The following CAPRIN2 variants were observed in gnomAD, a reference collection of about 807,000 sequenced individuals.
CAPRIN2 encodes caprin-2.
In CAPRIN2, 66 loss-of-function variants were observed where a neutral mutation model predicts 130.4. That is an observed-to-expected ratio of 0.51 (90% CI 0.42 to 0.62). The LOEUF (loss-of-function observed/expected upper bound fraction) is 0.62. CAPRIN2 is among the 20% of genes least tolerant of loss of function. The pLI, the probability that CAPRIN2 is intolerant of heterozygous loss-of-function variation, is 0.00. For synonymous variants in CAPRIN2, 471 were observed against 444.1 expected (o/e 1.06, Z -0.76); for missense variants, 1,185 against 1,246.6 (o/e 0.95, Z 0.74).
chr12:30,730,962 C>G (rs149341922), intron 6 of CAPRIN2, among the ~76,000 whole-genome samples: 1 of 152,174 alleles, frequency 6.6e-6, no homozygotes, highest in East Asian at 1.9e-4. Flanking sequence ...ATCAGTATTT[C>G]GACCTTAGGT....
chr12:30,751,285 G>A (rs967233406), intron 1 of CAPRIN2, 152 bp from the exon 3 acceptor site: 83 of 639,040 alleles, frequency 1.3e-4, no homozygotes, highest in Non-Finnish European at 2.1e-4. Flanking sequence ...TGCAGCAACT[G>A]TAGATGAGTT....
intron 2 of CAPRIN2, among the ~76,000 whole-genome samples, chr12:30,747,668 A>C (rs1258712366): frequency 6.6e-6 from 1 of 151,690 alleles, no homozygotes; most frequent in Non-Finnish European, 1.5e-5. Flanking sequence ...CAAGAGCCAA[A>C]CACCGTCTCA....
chr12:30,746,913 T>C (rs140434629), intron 2 of CAPRIN2, among the ~76,000 whole-genome samples: 119 of 152,342 alleles, frequency 7.8e-4, no homozygotes, highest in African/African-American at 2.8e-3. Context: ...AGATTTTCAA[T>C]GTAGATGCAA....
exon 4 of CAPRIN2, chr12:30,734,983 C>A (rs1282439302): frequency 5.6e-6 from 9 of 1,612,262 alleles, no homozygotes; most frequent in Non-Finnish European, 7.6e-6. Flanking sequence ...ACTTTCATTT[C>A]TTTCAGGGCA....
Position 30,730,124 on chromosome 12 carries a change from TG to T in CAPRIN2, c.1104+114del. On this transcript the variant is annotated intron_variant, in intron 7 of 16. Coordinates refer to ENST00000298892, the Ensembl canonical transcript of CAPRIN2. ...GCCCAAAGTCCCTAAGCTAGTAAAC[TG>T]CAGAACCAGGGTTCAAGCTCAGGCA... 7.6e-6 allele frequency: 6 copies of T among 789,490 alleles called. No individual in the cohort carries two copies. In the South Asian group the frequency reaches 9.9e-5, roughly 13 times the overall value. 48.9% of individuals were successfully genotyped at this position (789,490 alleles called of 1,614,324 possible).
chr12:30,718,346 A>G (rs2058322448), intron 12 of CAPRIN2, among the ~76,000 whole-genome samples: 1 of 152,194 alleles, frequency 6.6e-6, no homozygotes, highest in South Asian at 2.1e-4. Flanking sequence ...TGGACTCACC[A>G]GCCGATCTCC....
intron 12 of CAPRIN2, 146 bp downstream of exon 14, chr12:30,718,933 T>C (rs536025261): frequency 2.4e-6 from 2 of 822,552 alleles, no homozygotes; most frequent in Admixed American, 2.6e-5. Flanking sequence ...AAACAAGTAC[T>C]GCCATTGGCC....
rs754849907 is a variant in CAPRIN2 at position 30,720,799 on chromosome 12, T to C, written c.2148+12A>G. On this transcript the variant is annotated intron_variant, in intron 12 of 16. Coordinates refer to ENST00000298892, the Ensembl canonical transcript of CAPRIN2. ...TAAGATACAAAAGAAATTAAGACAA[T>C]TGGTCTTTTACCTCAGGAGTCTCTG... is the stretch of plus-strand genomic sequence containing the variant. The C allele has an allele frequency of 3.4e-6, 5 of 1,475,596 alleles. No homozygotes were observed. The highest frequency in any genetic ancestry group is 1.7e-5 in the Admixed American group (1 of 59,070). The allele number at this position is 1,475,596 out of a possible 1,614,324, so 91.4% of individuals were successfully genotyped here. A position where few individuals can be genotyped will look rare whatever the true frequency, so the allele number is the denominator to read the frequency against.
Position 30,731,335 on chromosome 12 carries a change from C to T in CAPRIN2, c.1060+8G>A. The T allele has an allele frequency of 6.2e-7, 1 of 1,610,140 alleles. No homozygotes were observed. On this transcript the variant is annotated splice_region_variant and intron_variant, in intron 6 of 16. Transcript: ENST00000298892. ...CCACTATAAGGATTTTCAGAGGTCA[C>T]AACAAACCTGACTCTTTGACAGATT...
chr12:30,732,853 T>C (rs1323031396), intron 5 of CAPRIN2, among the ~76,000 whole-genome samples: 1 of 152,142 alleles, frequency 6.6e-6, no homozygotes, highest in Non-Finnish European at 1.5e-5. Flanking sequence ...TCATTTATCT[T>C]AGCTAGAAGA....
rs563780915 is a variant in CAPRIN2, at chr12:30,710,745, A to G, written c.2666-275T>C. Among the ~76,000 whole-genome samples the G allele has an allele frequency of 2.0e-4, 31 of 152,286 alleles. 1 individual carries two copies. Among genetic ancestry groups the G allele is most frequent in the African/African-American group, 6.0e-4 (25 of 41,586 alleles). On this transcript the variant is annotated intron_variant, in intron 16 of 16. Transcript: ENST00000298892. This position sits in a 1 kb window ranked among gnomAD's most constrained non-coding sequence, Gnocchi z 4.8. The stretch of plus-strand genomic sequence containing the variant: ...CCCCCAAAAGGCCAGATAACTTAGC[A>G]AAGTCTAAAACTCAGGTCTGAACAC...
rs34481909 is a variant in CAPRIN2, at chr12:30,731,418, G to T, written c.985C>A (p.Pro329Thr). 5.0e-6 allele frequency: 8 copies of T among 1,612,690 alleles called. No homozygotes were observed. In the Admixed American group the frequency reaches 5.0e-5, roughly 10 times the overall value. Reference sequence around the variant, plus strand: ...TGTATTAGCATTTCTTCCTCCAGTGGTACTTCCTTTTCCTTGGCATTTTTG... The same window carrying T: ...TGTATTAGCATTTCTTCCTCCAGTGTTACTTCCTTTTCCTTGGCATTTTTG... The change falls in exon 6 of 17, where the codon CCA becomes ACA. Residue 329 changes from proline to threonine, a missense_variant. Physicochemically the swap from Pro to Thr is conservative, Grantham distance 38 (BLOSUM62 -1). This residue lies in a region of CAPRIN2 where 1,104 missense variants were observed against 1,104.3 expected (regional missense o/e 1.00). Transcript: ENST00000298892.
At chr12:30,733,443 G>A (rs2138234219) in intron 5 of CAPRIN2, among the ~76,000 whole-genome samples, 186 bp downstream of exon 6, 1 of 152,228 alleles carries the variant, frequency 6.6e-6, no homozygotes, top group Non-Finnish European at 1.5e-5. Context: ...CCACTTTAGT[G>A]ACTAGGGTTA....
chr12:30,719,514 A>C, intron 12 of CAPRIN2: 1 of 291,270 alleles, frequency 3.4e-6, no homozygotes, highest in Non-Finnish European at 6.3e-6. Flanking sequence ...CAAACCCTGA[A>C]ATGGTAATTT....
intron 12 of CAPRIN2, 148 bp from the exon 14 acceptor site, chr12:30,719,373 T>A: frequency 1.1e-6 from 1 of 873,030 alleles, no homozygotes; most frequent in Non-Finnish European, 1.8e-6. Flanking sequence ...TGCTTACAAT[T>A]TCAAATCTCA....
chr12:30,753,279 A>T, intron 1 of CAPRIN2, 65 bp downstream of exon 2: 1 of 1,389,836 alleles, frequency 7.2e-7, no homozygotes, highest in Non-Finnish European at 9.8e-7. Context: ...GAGCTCTGAA[A>T]GAAAAATGTC....
At chr12:30,731,311 C>A in intron 6 of CAPRIN2, 32 bp downstream of exon 7, 1 of 1,581,724 alleles carries the variant, frequency 6.3e-7, no homozygotes, top group Non-Finnish European at 8.6e-7. Context: ...AAAATGCAAC[C>A]ACTATAAGGA....
exon 14 of CAPRIN2, chr12:30,714,978 C>A (rs199593885): frequency 6.2e-6 from 10 of 1,613,654 alleles, no homozygotes; most frequent in Admixed American, 3.3e-5. Flanking sequence ...CACCAGGGGA[C>A]CGATAGGAAT....
intron 12 of CAPRIN2, chr12:30,719,486 T>G (rs1260889316): frequency 2.5e-5 from 10 of 404,050 alleles, no homozygotes; most frequent in Non-Finnish European, 4.0e-5. Flanking sequence ...GAACTTTTTA[T>G]ACGCACCTAG....
Sources: allele counts gnomAD v4.1 joint callset (sites outside exome capture counted in the v4.1 genomes callset), GRCh38; gene constraint gnomAD v4.1.1; regional missense constraint gnomAD v4.1.1; non-coding constraint Gnocchi (gnomAD v3.1); transcripts MANE v1.5; gene names NCBI Gene and HGNC (gene_info 2026-07-23, HGNC 2026-07-21).